Variants in PRICKLE2 observed in about 807,000 individuals in gnomAD.
PRICKLE2 encodes the protein prickle-like protein 2.
In PRICKLE2, 21 loss-of-function variants were observed where a neutral mutation model predicts 81.4. The observed-to-expected ratio is 0.26, with a 90% CI of 0.18 to 0.37. The LOEUF (loss-of-function observed/expected upper bound fraction) is 0.37. Ranked by LOEUF, PRICKLE2 falls within the 10% of genes least tolerant of loss-of-function variation. PRICKLE2 has a pLI of 1.00. For missense variants in PRICKLE2, 940 were observed against 1,109.0 expected, an observed-to-expected ratio of 0.85 and a Z score of 2.16; for synonymous variants, 456 against 421.5, an observed-to-expected ratio of 1.08 and a Z score of -1.00.
At chr3:64,115,364 T>C (rs914978210) in intron 7 of PRICKLE2, among the ~76,000 whole-genome samples, 1 of 152,144 alleles carries the variant, frequency 6.6e-6, no homozygotes, top group Non-Finnish European at 1.5e-5. Context: ...TAACCTTAAA[T>C]GTAAATGGGC....
chr3:64,184,245 G>A (rs1219579730), intron 2 of PRICKLE2, among the ~76,000 whole-genome samples: 1 of 152,136 alleles, frequency 6.6e-6, no homozygotes, highest in Non-Finnish European at 1.5e-5. Context: ...TATAAGGCAG[G>A]AAACATTACT....
rs2076622017 is a variant in PRICKLE2 at position 64,099,610 on chromosome 3, C to T, written c.1976G>A (p.Gly659Asp). ...MAGSKLPGQE[G>D]VRIQPMSERT... The stretch of plus-strand genomic sequence containing the variant: ...TTCACTCATGGGCTGGATCCTCACG[C>T]CCTCCTGCCCTGGCAGCTTGCTGCC... Residue 659 changes from glycine (G) to aspartate (D), a missense_variant, in exon 8 of 8, where the codon GGC becomes GAC. Gly to Asp is a moderately conservative substitution (Grantham distance 94). Coordinates refer to ENST00000638394, the MANE Select transcript of PRICKLE2 (RefSeq NM_198859.4). This position sits in a 1 kb window ranked among gnomAD's most constrained non-coding sequence, Gnocchi z 4.3. 6.2e-7 allele frequency: 1 copy of T among 1,613,990 alleles called. No individual in the cohort carries two copies. Among genetic ancestry groups the T allele is most frequent in the Non-Finnish European group, 8.5e-7 (1 of 1,180,046 alleles).
chr3:64,235,924 G>A (rs968288058), intron 2 of PRICKLE2, among the ~76,000 whole-genome samples: 11 of 152,074 alleles, frequency 7.2e-5, no homozygotes, highest in South Asian at 4.1e-4. Flanking sequence ...ACTGATCTGC[G>A]TTGTGTGTGT....
chr3:64,162,718 GT>G (rs1336774244), intron 3 of PRICKLE2, among the ~76,000 whole-genome samples: 1 of 152,194 alleles, frequency 6.6e-6, no homozygotes, highest in African/African-American at 2.4e-5. Context: ...TATTCTTCAA[GT>G]AAGAAAACTT....
upstream of PRICKLE2, among the ~76,000 whole-genome samples, chr3:64,228,139 T>C (rs780194758): frequency 5.9e-5 from 9 of 151,586 alleles, no homozygotes; most frequent in Non-Finnish European, 1.0e-4. Flanking sequence ...TTCATTCATA[T>C]ATCCATTCAC....
Position 64,150,462 on chromosome 3 carries a change from C to T in PRICKLE2, c.787+2720G>A, listed in dbSNP as rs184446823. 2.0e-3 allele frequency among the ~76,000 whole-genome samples: 306 copies of T among 152,224 alleles called. 1 individual carries two copies. The highest frequency in any genetic ancestry group is 2.5e-3 in the Non-Finnish European group (169 of 68,014). On this transcript the variant is annotated intron_variant, in intron 6 of 7. Coordinates refer to ENST00000638394, the MANE Select transcript of PRICKLE2 (RefSeq NM_198859.4). ...AGGTCTGAAAGCCTGCCTCTCTCTTCGCTGAGGGTCACTGCCCAGATGCAT... is the reference window on the plus strand; with the variant it reads ...AGGTCTGAAAGCCTGCCTCTCTCTTTGCTGAGGGTCACTGCCCAGATGCAT...
At chr3:64,179,622 C>T (rs2078091576) in intron 2 of PRICKLE2, among the ~76,000 whole-genome samples, 1 of 152,056 alleles carries the variant, frequency 6.6e-6, no homozygotes, top group South Asian at 2.1e-4. Context: ...ATTTTTTATC[C>T]CTCAGTGTAT....
intron 2 of PRICKLE2, among the ~76,000 whole-genome samples, chr3:64,258,043 T>C (rs563420852): frequency 6.6e-6 from 1 of 152,238 alleles, no homozygotes; most frequent in South Asian, 2.1e-4. Flanking sequence ...ATCTTGAACC[T>C]CCAAGCACCA....
At chr3:64,185,013 G>A (rs2078198496) in intron 2 of PRICKLE2, among the ~76,000 whole-genome samples, 1 of 152,178 alleles carries the variant, frequency 6.6e-6, no homozygotes, top group African/African-American at 2.4e-5. Context: ...CTAAGGCTAT[G>A]ATTCTTGCAA....
intron 2 of PRICKLE2, among the ~76,000 whole-genome samples, chr3:64,184,776 C>T (rs2078193604): frequency 6.6e-6 from 1 of 152,192 alleles, no homozygotes; most frequent in Non-Finnish European, 1.5e-5. Context: ...AGTCACTGTT[C>T]CAGGCCAGAA....
At chr3:64,134,406 T>C (rs1270032020) in intron 7 of PRICKLE2, among the ~76,000 whole-genome samples, 2 of 152,212 alleles carry the variant, frequency 1.3e-5, no homozygotes, top group East Asian at 1.9e-4. Flanking sequence ...TTGGGACTAA[T>C]GATTTTCATT....
At chr3:64,107,542 C>T (rs2076775915) in intron 7 of PRICKLE2, among the ~76,000 whole-genome samples, 1 of 152,126 alleles carries the variant, frequency 6.6e-6, no homozygotes, top group South Asian at 2.1e-4. Flanking sequence ...TGTGTTTCTG[C>T]CAACTTCAAA....
chr3:64,167,738 G>C (rs1180357001), intron 2 of PRICKLE2, among the ~76,000 whole-genome samples: 2 of 152,116 alleles, frequency 1.3e-5, no homozygotes, highest in Non-Finnish European at 2.9e-5. Flanking sequence ...TTTTTATAAA[G>C]AAGTGTGCAA....
chr3:64,119,005 T>C (rs776359560), intron 7 of PRICKLE2, among the ~76,000 whole-genome samples: 1 of 152,088 alleles, frequency 6.6e-6, no homozygotes, highest in Non-Finnish European at 1.5e-5. Flanking sequence ...ATAAAGAAAA[T>C]GTGGTACATA....
At chr3:64,140,968 T>C (rs1439597223) in intron 7 of PRICKLE2, among the ~76,000 whole-genome samples, 1 of 152,178 alleles carries the variant, frequency 6.6e-6, no homozygotes, top group Non-Finnish European at 1.5e-5. Context: ...AGTGCATGGC[T>C]TTGCAGTTGA....
intron 5 of PRICKLE2, 68 bp downstream of exon 5, chr3:64,157,094 G>T: frequency 7.0e-7 from 1 of 1,420,418 alleles, no homozygotes; most frequent in Non-Finnish European, 1.0e-6. Context: ...AAAGCCAGAA[G>T]ACCATGTGTT....
chr3:64,161,176 A>G (rs2077727150), intron 3 of PRICKLE2, among the ~76,000 whole-genome samples: 6 of 152,206 alleles, frequency 3.9e-5, no homozygotes, highest in Admixed American at 3.9e-4. Context: ...TGATTATTCA[A>G]CTACTCTATC....
intron 7 of PRICKLE2, among the ~76,000 whole-genome samples, chr3:64,109,621 C>T (rs2076812103): frequency 1.3e-5 from 2 of 152,310 alleles, no homozygotes; most frequent in South Asian, 4.1e-4. Context: ...TGCATAACTT[C>T]TTACTTCACA....
chr3:64,218,841 CT>C (rs2078910108), intron 1 of PRICKLE2, among the ~76,000 whole-genome samples: 1 of 152,092 alleles, frequency 6.6e-6, no homozygotes, highest in African/African-American at 2.4e-5. Context: ...CCCAGGGGAG[CT>C]TGTTAAAAAT....
Sources: allele counts gnomAD v4.1 joint callset (sites outside exome capture counted in the v4.1 genomes callset), GRCh38; gene constraint gnomAD v4.1.1; non-coding constraint Gnocchi (gnomAD v3.1); transcripts MANE v1.5; gene names NCBI Gene and HGNC (gene_info 2026-07-23, HGNC 2026-07-21).